Variants in TNFRSF11A observed in about 807,000 individuals in gnomAD.
The protein encoded by TNFRSF11A is tumor necrosis factor receptor superfamily member 11A.
TNFRSF11A carries 32 observed loss-of-function variants against 55.7 expected under a neutral mutation model. That is an observed-to-expected ratio of 0.57 (90% CI 0.43 to 0.77). The LOEUF is 0.77. Among genes scored for constraint, TNFRSF11A ranks in the 30% least tolerant of loss-of-function variants. The pLI is 0.00. For synonymous variants in TNFRSF11A, 311 were observed against 331.0 expected (o/e 0.94, Z 0.65); for missense variants, 753 against 809.8 (o/e 0.93, Z 0.85).
intron 7 of TNFRSF11A, among the ~76,000 whole-genome samples, chr18:62,366,475 A>C (rs901909587): frequency 1.3e-5 from 2 of 152,176 alleles, no homozygotes; most frequent in Non-Finnish European, 2.9e-5. Flanking sequence ...TATCATATTC[A>C]AGATTTTTGC....
In TNFRSF11A at chr18:62,325,457, G is replaced by A. The variant is rs1484989970; in HGVS notation, c.75+30G>A. The A allele has an allele frequency of 8.1e-7, 1 of 1,228,106 alleles. No homozygotes were observed. The allele number at this position is 1,228,106 out of a possible 1,614,324, so 76.1% of individuals were successfully genotyped here. On this transcript the variant is annotated intron_variant, in intron 1 of 9. Coordinates refer to ENST00000586569, the MANE Select transcript of TNFRSF11A (RefSeq NM_003839.4). This position sits in a 1 kb window ranked among gnomAD's most constrained non-coding sequence, Gnocchi z 4.7. ...GGAGCGCCCGCGCCTGCCGGGCCGC[G>A]CGGCCCGACGCCTCCTCGGGAGCCC...
At chr18:62,348,934 G>C (rs2046423734) in intron 2 of TNFRSF11A, among the ~76,000 whole-genome samples, 1 of 152,230 alleles carries the variant, frequency 6.6e-6, no homozygotes, top group Non-Finnish European at 1.5e-5. Context: ...GTGTTGGATA[G>C]GCGGGTGGGG....
chr18:62,366,849 C>CG, intron 8 of TNFRSF11A, 89 bp downstream of exon 8: 1 of 1,327,224 alleles, frequency 7.5e-7, no homozygotes. Context: ...AGCACCCCCC[C>CG]CCACCCCCAC....
At chr18:62,373,800 G>A (rs116875040) in intron 9 of TNFRSF11A, 1,559 of 152,452 alleles carry the variant, frequency 0.01, 13 homozygotes, top group Non-Finnish European at 0.015. Flanking sequence ...TGGGAGCCAG[G>A]AACACGGGAC....
chr18:62,362,296 G>T (rs185071994), intron 7 of TNFRSF11A, among the ~76,000 whole-genome samples: 7 of 152,050 alleles, frequency 4.6e-5, no homozygotes, highest in Admixed American at 1.3e-4. Flanking sequence ...TTTGAGAGCA[G>T]CCTGGCCAAC....
intron 9 of TNFRSF11A, chr18:62,378,107 C>A (rs1470238354): frequency 6.6e-6 from 1 of 152,222 alleles, no homozygotes; most frequent in Non-Finnish European, 1.5e-5. Context: ...ACATGGTGAC[C>A]TATTGATGTC....
At chr18:62,369,603 TTTTTC>T in intron 9 of TNFRSF11A, 119 bp downstream of exon 9, 1 of 1,306,686 alleles carries the variant, frequency 7.7e-7, no homozygotes, top group Non-Finnish European at 1.1e-6. Context: ...CAGCTTGTGC[TTTTTC>T]TCTTAATAAG....
In TNFRSF11A at chr18:62,349,869, G is replaced by C. The variant is rs1461647305; in HGVS notation, c.215G>C (p.Gly72Ala). The C allele has an allele frequency of 6.2e-7, 1 of 1,614,114 alleles. No homozygotes were observed. The highest frequency in any genetic ancestry group is 8.5e-7 in the Non-Finnish European group (1 of 1,180,004). ...TTSDSVCLPC[G>A]PDEYLDSWNE... Reference sequence around the variant, plus strand: ...TCTGACAGTGTATGTCTGCCCTGTGGCCCGGATGAATACTTGGATAGCTGG... The same window carrying C: ...TCTGACAGTGTATGTCTGCCCTGTGCCCCGGATGAATACTTGGATAGCTGG... The change falls in exon 3 of 10, where the codon GGC (glycine) becomes GCC (alanine). Residue 72 changes from glycine to alanine, a missense_variant. Gly to Ala is a moderately conservative substitution (Grantham distance 60). Transcript: ENST00000586569.
chr18:62,366,834 T>C, intron 8 of TNFRSF11A, 74 bp downstream of exon 8: 2 of 1,437,346 alleles, frequency 1.4e-6, no homozygotes, highest in Non-Finnish European at 2.0e-6. Context: ...CCTAGTCACA[T>C]ATTGAGCACC....
At chr18:62,356,367 A>G (rs1287102283) in intron 4 of TNFRSF11A, among the ~76,000 whole-genome samples, 2 of 152,192 alleles carry the variant, frequency 1.3e-5, no homozygotes, top group Non-Finnish European at 2.9e-5. Context: ...TGATTTTTTA[A>G]TGGTTAAAAT....
chr18:62,351,482 T>C (rs2046471415), intron 3 of TNFRSF11A, among the ~76,000 whole-genome samples: 1 of 152,216 alleles, frequency 6.6e-6, no homozygotes, highest in Non-Finnish European at 1.5e-5. Context: ...TTTCTAACAT[T>C]AGCAGCTGCT....
chr18:62,370,492 C>G (rs1050750935), intron 9 of TNFRSF11A, among the ~76,000 whole-genome samples: 1 of 152,160 alleles, frequency 6.6e-6, no homozygotes, highest in Non-Finnish European at 1.5e-5. Context: ...TGCTAGCAGC[C>G]GGTCTTCGAA....
At chr18:62,342,401 CAAAAAAAAAA>C (rs371734407) in intron 1 of TNFRSF11A, among the ~76,000 whole-genome samples, 8 of 62,230 alleles carry the variant, frequency 1.3e-4, no homozygotes, top group Middle Eastern at 0.011. Context: ...GATTCTGTCT[CAAAAAAAAAA>C]AAAAAAAAAA....
rs1910652792 is a variant in TNFRSF11A at position 62,372,966 on chromosome 18, G to GA, written c.1567+3487dup. 3 of 152,336 alleles carry GA rather than the reference G, an allele frequency of 2.0e-5. No homozygotes were observed. In the South Asian group the frequency reaches 6.2e-4, roughly 32 times the overall value. 9.4% of individuals were successfully genotyped at this position (152,336 alleles called of 1,614,324 possible). ...GAGCCACAGAGCCTTGAAAAAGCCT[G>GA]AAAAACAAGTAGGGATTAATGCCAG... On this transcript the variant is annotated intron_variant, in intron 9 of 9. Transcript: ENST00000586569.
intron 1 of TNFRSF11A, among the ~76,000 whole-genome samples, chr18:62,343,609 C>T (rs541298011): frequency 1.3e-5 from 2 of 152,212 alleles, no homozygotes; most frequent in Non-Finnish European, 2.9e-5. Context: ...TTATCTCCCC[C>T]GCCCTCCGAA....
chr18:62,364,458 G>A (rs1232065038), intron 7 of TNFRSF11A, among the ~76,000 whole-genome samples: 1 of 152,166 alleles, frequency 6.6e-6, no homozygotes, highest in Non-Finnish European at 1.5e-5. Context: ...GTGGTACAGT[G>A]AGAGTAGATG....
In TNFRSF11A at chr18:62,369,203, G is replaced by C. The variant is rs1223193889; in HGVS notation, c.1286G>C (p.Gly429Ala). The change falls in exon 9 of 10, where the codon GGC (glycine) becomes GCC (alanine). Residue 429 changes from glycine to alanine, a missense_variant. Around this residue, in one of 3 missense-constraint regions of TNFRSF11A, gnomAD observed 567 missense variants for 596.7 expected, o/e 0.95. Coordinates refer to ENST00000586569, the MANE Select transcript of TNFRSF11A (RefSeq NM_003839.4). ...ENYLQKEVDS[G>A]HCPHWAASPS... ...TACTTGCAAAAAGAGGTGGACAGTG[G>C]CCATTGCCCGCACTGGGCAGCCAGC... is the stretch of plus-strand genomic sequence containing the variant. The C allele has an allele frequency of 6.2e-7, 1 of 1,613,812 alleles. No individual in the cohort carries two copies. Among genetic ancestry groups the C allele is most frequent in the Non-Finnish European group, 8.5e-7 (1 of 1,180,062 alleles).
chr18:62,326,930 A>G (rs923609219), intron 1 of TNFRSF11A, among the ~76,000 whole-genome samples: 1 of 152,210 alleles, frequency 6.6e-6, no homozygotes, highest in Non-Finnish European at 1.5e-5. Flanking sequence ...AATTACATAC[A>G]TAGGCACAGG....
intron 3 of TNFRSF11A, 111 bp downstream of exon 3, chr18:62,350,048 A>G (rs2046443332): frequency 6.7e-7 from 1 of 1,493,474 alleles, no homozygotes; most frequent in African/African-American, 1.4e-5. Flanking sequence ...GGAACATGAA[A>G]GGAAGTTGTG....
Sources: allele counts gnomAD v4.1 joint callset (sites outside exome capture counted in the v4.1 genomes callset), GRCh38; gene constraint gnomAD v4.1.1; regional missense constraint gnomAD v4.1.1; non-coding constraint Gnocchi (gnomAD v3.1); transcripts MANE v1.5; gene names NCBI Gene and HGNC (gene_info 2026-07-23, HGNC 2026-07-21).